The following ACAD11 variants were observed in gnomAD, a reference collection of about 807,000 sequenced individuals.
ACAD11 encodes the protein acyl-Coenzyme A dehydrogenase family, member 11.
In ACAD11, 83 loss-of-function variants were observed where a neutral mutation model predicts 102.2. The observed-to-expected ratio is 0.81, with a 90% confidence interval of 0.68 to 0.97. The LOEUF is 0.97. Ranked by LOEUF, ACAD11 falls within the 50% of genes least tolerant of loss-of-function variation. The pLI is 0.00. For missense variants in ACAD11, 901 were observed against 951.7 expected, an observed-to-expected ratio of 0.95 and a Z score of 0.70; for synonymous variants, 324 against 319.8, an observed-to-expected ratio of 1.01 and a Z score of -0.14.
At chr3:132,633,843 T>C (rs1458209134) in intron 5 of ACAD11, among the ~76,000 whole-genome samples, 1 of 152,148 alleles carries the variant, frequency 6.6e-6, no homozygotes, top group Admixed American at 6.5e-5. Flanking sequence ...CTGGGAAAAC[T>C]GGCTAGCCAT....
intron 17 of ACAD11, among the ~76,000 whole-genome samples, chr3:132,569,862 G>A (rs1229016957): frequency 1.3e-5 from 2 of 152,170 alleles, no homozygotes; most frequent in East Asian, 3.8e-4. Flanking sequence ...AAGGATCCTT[G>A]TAGTGAATGG....
At position 132,586,485 on chromosome 3, in the gene ACAD11, G is replaced by T. The variant is rs79667721; in HGVS notation, c.1622-6927C>A. ...GTGCACATGTACCCTAAAACTTAAA[G>T]TGTAATAAAAAAAAAACCACATGCA... On this transcript the variant is annotated intron_variant, in intron 13 of 19. Coordinates refer to ENST00000264990, the MANE Select transcript of ACAD11 (RefSeq NM_032169.5). Among the ~76,000 whole-genome samples, 4 of 151,854 alleles carry T rather than the reference G, an allele frequency of 2.6e-5. No homozygotes were observed. In the East Asian group the frequency reaches 7.8e-4, roughly 29 times the overall value.
intron 13 of ACAD11, 76 bp from the exon 14 acceptor site, chr3:132,579,634 CT>C: frequency 8.6e-7 from 1 of 1,169,084 alleles, no homozygotes; most frequent in Non-Finnish European, 1.3e-6. Flanking sequence ...GGTTCTAATC[CT>C]TCCCACTTTA....
At chr3:132,596,810 A>G (rs989396859) in intron 13 of ACAD11, among the ~76,000 whole-genome samples, 1 of 152,254 alleles carries the variant, frequency 6.6e-6, no homozygotes, top group African/African-American at 2.4e-5. Context: ...GATGTGGCAT[A>G]AAAATGTTAA....
chr3:132,618,375 G>A (rs1010193101), intron 11 of ACAD11: 3 of 392,354 alleles, frequency 7.6e-6, no homozygotes, highest in Non-Finnish European at 1.3e-5. Flanking sequence ...CATGATCCAT[G>A]ATCCTTACAC....
At chr3:132,622,920 T>C (rs1939660388) in intron 9 of ACAD11, among the ~76,000 whole-genome samples, 1 of 152,246 alleles carries the variant, frequency 6.6e-6, no homozygotes, top group Non-Finnish European at 1.5e-5. Flanking sequence ...TCATCCTTAG[T>C]ATATTAGACT....
At chr3:132,592,404 G>C (rs1938117089) in intron 13 of ACAD11, among the ~76,000 whole-genome samples, 1 of 152,154 alleles carries the variant, frequency 6.6e-6, no homozygotes, top group Non-Finnish European at 1.5e-5. Context: ...AGATGGCTTA[G>C]ATAAAGTAAT....
At chr3:132,651,543 C>T (rs1466208693) in intron 1 of ACAD11, among the ~76,000 whole-genome samples, 3 of 152,154 alleles carry the variant, frequency 2.0e-5, no homozygotes, top group African/African-American at 7.2e-5. Context: ...AACATTTCTA[C>T]CTCTAACCTC....
intron 13 of ACAD11, among the ~76,000 whole-genome samples, chr3:132,592,590 C>A (rs1938124507): frequency 1.3e-5 from 2 of 152,072 alleles, no homozygotes; most frequent in Non-Finnish European, 2.9e-5. Flanking sequence ...AAAACATGAC[C>A]TTTGAGTATA....
chr3:132,618,549 T>A lies in ACAD11; in HGVS notation c.1414+85A>T, dbSNP rs192428596. The A allele has an allele frequency of 4.7e-4, 573 of 1,207,610 alleles. 1 individual carries two copies. The highest frequency in any genetic ancestry group is 4.6e-3 in the Middle Eastern group (20 of 4,384). The allele number at this position is 1,207,610 out of a possible 1,614,324, so 74.8% of individuals were successfully genotyped here. On this transcript the variant is annotated intron_variant, in intron 11 of 19. Transcript: ENST00000264990. The stretch of plus-strand genomic sequence containing the variant: ...AAATTCATAAGTCAATAACTTTGTA[T>A]AAAAACACATTCTTATCATATATAG...
chr3:132,649,830 T>C (rs1940868748), intron 1 of ACAD11: 1 of 152,152 alleles, frequency 6.6e-6, no homozygotes, highest in African/African-American at 2.4e-5. Flanking sequence ...GAGTGAGCAA[T>C]GATGAAGGAT....
At chr3:132,600,149 T>C (rs1445516012) in intron 13 of ACAD11, among the ~76,000 whole-genome samples, 1 of 152,200 alleles carries the variant, frequency 6.6e-6, no homozygotes. Context: ...ATGTTTATTG[T>C]CCTGTTCAAA....
intron 2 of ACAD11, among the ~76,000 whole-genome samples, chr3:132,644,451 A>T (rs1366256991): frequency 6.6e-6 from 1 of 152,160 alleles, no homozygotes; most frequent in Middle Eastern, 3.2e-3. Flanking sequence ...ACTATTACAT[A>T]TAATAATTTA....
chr3:132,573,716 A>T (rs1937449254), intron 17 of ACAD11, among the ~76,000 whole-genome samples: 1 of 152,246 alleles, frequency 6.6e-6, no homozygotes, highest in African/African-American at 2.4e-5. Flanking sequence ...TTTAGAATAA[A>T]GGAGGTATTC....
intron 8 of ACAD11, among the ~76,000 whole-genome samples, chr3:132,627,416 T>C (rs890357735): frequency 2.0e-5 from 3 of 152,234 alleles, no homozygotes; most frequent in Admixed American, 6.5e-5. Context: ...TCATTAGTTT[T>C]GAATCTTTAT....
intron 13 of ACAD11, among the ~76,000 whole-genome samples, chr3:132,587,617 G>T (rs939535852): frequency 1.3e-5 from 2 of 152,046 alleles, no homozygotes; most frequent in East Asian, 1.9e-4. Context: ...CTTGAAAATG[G>T]GTCATGTTTT....
At chr3:132,565,475 G>A (rs539596243) in intron 17 of ACAD11, among the ~76,000 whole-genome samples, 1 of 152,258 alleles carries the variant, frequency 6.6e-6, no homozygotes, top group South Asian at 2.1e-4. Context: ...ACAGAATGGT[G>A]TCAAAGAAAG....
At chr3:132,619,353 G>T in intron 10 of ACAD11, 115 bp downstream of exon 10, 2 of 602,712 alleles carry the variant, frequency 3.3e-6, no homozygotes, top group Non-Finnish European at 2.8e-6. Flanking sequence ...TTTTTTAAAG[G>T]TTATTATTGA....
chr3:132,601,092 A>G, intron 13 of ACAD11: 1 of 1,613,884 alleles, frequency 6.2e-7, no homozygotes, highest in Admixed American at 1.7e-5. Context: ...AAGATGCCAA[A>G]CATTAAAATA....
Sources: allele counts gnomAD v4.1 joint callset (sites outside exome capture counted in the v4.1 genomes callset), GRCh38; gene constraint gnomAD v4.1.1; transcripts MANE v1.5; gene names NCBI Gene and HGNC (gene_info 2026-07-23, HGNC 2026-07-21).